Variants in WAC observed in about 807,000 individuals in gnomAD.
The protein encoded by WAC is WW domain containing adaptor with coiled-coil, also known as WW domain-containing adapter protein with coiled-coil.
In WAC, 11 loss-of-function variants were observed where a neutral mutation model predicts 79.6. The observed-to-expected ratio is 0.14, with a 90% confidence interval of 0.09 to 0.23. The LOEUF is 0.23. Ranked by LOEUF, WAC falls within the 10% of genes least tolerant of loss-of-function variation. The pLI is 1.00. For missense variants in WAC, 728 were observed against 773.5 expected (o/e 0.94, Z 0.70); for synonymous variants, 304 against 276.9 (o/e 1.10, Z -0.97).
At chr10:28,578,711 C>A (rs142966916) in intron 3 of WAC, among the ~76,000 whole-genome samples, 1,851 of 152,154 alleles carry the variant, frequency 0.012, 17 homozygotes, top group Non-Finnish European at 0.016. Flanking sequence ...TTTTCCTAGG[C>A]CCTCACTCTT....
intron 9 of WAC, chr10:28,611,292 T>G (rs1295594409): frequency 6.2e-6 from 8 of 1,292,658 alleles, no homozygotes; most frequent in African/African-American, 1.5e-5. Context: ...TGGAGAGAGA[T>G]ACACATAGGA....
chr10:28,533,760 G>A, intron 1 of WAC, 140 bp downstream of exon 1: 1 of 1,045,012 alleles, frequency 9.6e-7, no homozygotes, highest in Non-Finnish European at 1.4e-6. Context: ...AGGAGCGGCC[G>A]CGCGGGCGGG....
At chr10:28,615,993 T>C (rs1841450324) in intron 11 of WAC, 180 bp from the exon 12 acceptor site, 2 of 478,190 alleles carry the variant, frequency 4.2e-6, no homozygotes, top group South Asian at 5.2e-5. Context: ...CCCCCTAAAG[T>C]GTTTTGAGGA....
chr10:28,591,795 A>G (rs1437630884), intron 6 of WAC: 1 of 145,948 alleles, frequency 6.9e-6, no homozygotes, highest in Non-Finnish European at 1.5e-5. Flanking sequence ...TGATCTTGCC[A>G]CTGCACTCTA....
intron 3 of WAC, chr10:28,538,238 A>G (rs766321724): frequency 8.5e-5 from 19 of 222,916 alleles, no homozygotes; most frequent in South Asian, 6.3e-4. Flanking sequence ...TTAAAAGTGT[A>G]TATGTATGAT....
In WAC at chr10:28,538,290, A is replaced by G. The variant is rs774252640; in HGVS notation, c.274+2533A>G. The G allele has an allele frequency of 7.2e-5, 24 of 331,060 alleles. 1 individual carries two copies. The highest frequency in any genetic ancestry group is 4.4e-4 in the South Asian group (20 of 45,820). The allele number at this position is 331,060 out of a possible 1,614,324, so 20.5% of individuals were successfully genotyped here. A position where few individuals can be genotyped will look rare whatever the true frequency, so the allele number is the denominator to read the frequency against. On this transcript the variant is annotated intron_variant, in intron 3 of 13. Coordinates refer to ENST00000354911, the MANE Select transcript of WAC (RefSeq NM_016628.5). ...ATAAACTCCTTTGGATTTTTATCCA[A>G]AAATGAATTCAGGCCGGGTCAGTGG...
rs1182387476 is a variant in WAC at position 28,621,038 on chromosome 10, A to G, written c.*1432A>G. The stretch of plus-strand genomic sequence containing the variant: ...TTTCCTTTGCTGAAATATTAGTCAC[A>G]TAGCCTTAGCTTCACACTGCCAGTA... On this transcript the variant is annotated 3_prime_UTR_variant, in exon 14 of 14. Transcript: ENST00000354911. The G allele has an allele frequency of 6.6e-6, 1 of 152,130 alleles. No homozygotes were observed. The highest frequency in any genetic ancestry group is 2.4e-5 in the African/African-American group (1 of 41,448). The allele number at this position is 152,130 out of a possible 1,614,324, so 9.4% of individuals were successfully genotyped here.
intron 3 of WAC, among the ~76,000 whole-genome samples, chr10:28,542,554 A>T (rs1316751007): frequency 6.6e-6 from 1 of 152,212 alleles, no homozygotes; most frequent in African/African-American, 2.4e-5. Context: ...CTTGACCAAA[A>T]CCTGACTTCT....
At chr10:28,605,905 T>TA (rs1220256526) in intron 7 of WAC, among the ~76,000 whole-genome samples, 2 of 152,204 alleles carry the variant, frequency 1.3e-5, no homozygotes, top group African/African-American at 4.8e-5. Flanking sequence ...TAAGTAGAAA[T>TA]AAAGAGTTTA....
At chr10:28,561,115 A>G (rs1838279660) in intron 3 of WAC, among the ~76,000 whole-genome samples, 1 of 152,232 alleles carries the variant, frequency 6.6e-6, no homozygotes, top group Non-Finnish European at 1.5e-5. Flanking sequence ...ATAACTGAAA[A>G]TCTGCAACCT....
intron 3 of WAC, among the ~76,000 whole-genome samples, chr10:28,581,542 TTTTGTTTG>T (rs548725389): frequency 2.6e-5 from 4 of 151,908 alleles, no homozygotes; most frequent in Non-Finnish European, 4.4e-5. Context: ...TACTCAGCCT[TTTTGTTTG>T]TTTGTTTGTT....
intron 7 of WAC, among the ~76,000 whole-genome samples, chr10:28,606,398 A>G (rs1236541467): frequency 6.6e-6 from 1 of 152,226 alleles, no homozygotes. Context: ...ATGCTTGTCT[A>G]TGAATCCAGA....
chr10:28,569,452 G>A (rs1838829344), intron 3 of WAC, among the ~76,000 whole-genome samples: 2 of 152,072 alleles, frequency 1.3e-5, no homozygotes, highest in Admixed American at 6.5e-5. Context: ...TTATATTTTT[G>A]CCAGTCTGAT....
chr10:28,616,221 T>C lies in WAC; in HGVS notation c.1605T>C (p.Ser535=), dbSNP rs760213675. Residue 535 remains serine, a synonymous_variant, in exon 12 of 14, where the codon AGT becomes AGC. Transcript: ENST00000354911. ...SPGPNHTSNS[S]NASNATVVPQ... ...GTCCCAATCATACTTCTAATAGTAGTAATGCATCAAATGCAACAGTTGTAC... is the reference window on the plus strand; with the variant it reads ...GTCCCAATCATACTTCTAATAGTAGCAATGCATCAAATGCAACAGTTGTAC... 6.2e-7 allele frequency: 1 copy of C among 1,613,504 alleles called. No individual in the cohort carries two copies. The highest frequency in any genetic ancestry group is 8.5e-7 in the Non-Finnish European group (1 of 1,179,692).
intron 12 of WAC, among the ~76,000 whole-genome samples, chr10:28,617,166 T>A (rs1841508549): frequency 6.6e-6 from 1 of 152,238 alleles, no homozygotes; most frequent in African/African-American, 2.4e-5. Flanking sequence ...ATTTTTGCTT[T>A]GGGATGAGAG....
intron 3 of WAC, among the ~76,000 whole-genome samples, chr10:28,547,313 T>C (rs1292801660): frequency 6.6e-6 from 1 of 152,202 alleles, no homozygotes; most frequent in East Asian, 1.9e-4. Flanking sequence ...GGTGGGCGGA[T>C]CACCTGAGGT....
chr10:28,551,830 T>C (rs1487230342), intron 3 of WAC, among the ~76,000 whole-genome samples: 1 of 128,498 alleles, frequency 7.8e-6, no homozygotes, highest in Non-Finnish European at 1.7e-5. Flanking sequence ...TTCTTTTTTT[T>C]TTTTTTTTTC....
At chr10:28,533,924 G>C (rs182451824) in intron 1 of WAC, 74 bp from the exon 2 acceptor site, 9 of 1,559,938 alleles carry the variant, frequency 5.8e-6, no homozygotes, top group Non-Finnish European at 7.9e-6. Context: ...GGCGGCGGGG[G>C]CCCCGTTTTC....
At chr10:28,536,088 A>C (rs1429479519) in intron 3 of WAC, 1 of 158,972 alleles carries the variant, frequency 6.3e-6, no homozygotes, top group African/African-American at 2.4e-5. Context: ...TAAAAATACA[A>C]AAGTTAGTTG....
Sources: allele counts gnomAD v4.1 joint callset (sites outside exome capture counted in the v4.1 genomes callset), GRCh38; gene constraint gnomAD v4.1.1; transcripts MANE v1.5; gene names NCBI Gene and HGNC (gene_info 2026-07-23, HGNC 2026-07-21).